Variants in DCC observed in about 807,000 individuals in gnomAD.
DCC encodes the protein netrin receptor DCC.
DCC carries 58 observed loss-of-function variants against 172.5 expected under a neutral mutation model. The observed-to-expected ratio is 0.34, with a 90% confidence interval of 0.27 to 0.42. DCC has a LOEUF of 0.42. DCC is among the 10% of genes least tolerant of loss of function. The pLI, the probability that DCC is intolerant of heterozygous loss-of-function variation, is 1.00. For synonymous variants in DCC, 709 were observed against 644.5 expected, an observed-to-expected ratio of 1.10 and a Z score of -1.52; for missense variants, 1,740 against 1,791.0, an observed-to-expected ratio of 0.97 and a Z score of 0.51.
At chr18:53,253,208 A>G (rs2056461173) in intron 12 of DCC, among the ~76,000 whole-genome samples, 1 of 151,890 alleles carries the variant, frequency 6.6e-6, no homozygotes, top group South Asian at 2.1e-4. Flanking sequence ...TCTTTCTTTT[A>G]TATATTTCTT....
At position 52,948,377 on chromosome 18, in the gene DCC, C is replaced by A. The variant is rs186973732; in HGVS notation, c.985+23007C>A. On this transcript the variant is annotated intron_variant, in intron 5 of 28. Coordinates refer to ENST00000442544, the MANE Select transcript of DCC (RefSeq NM_005215.4). ...GGAAAATATAATGAGACAAGAGCTT[C>A]TATCATTATGAATGATATTGAACAA... is the stretch of plus-strand genomic sequence containing the variant. Among the ~76,000 whole-genome samples the A allele has an allele frequency of 3.3e-5, 5 of 152,082 alleles. No individual in the cohort carries two copies. The East Asian group carries it at 9.7e-4, about 29-fold the overall frequency.
intron 5 of DCC, among the ~76,000 whole-genome samples, chr18:53,019,226 C>T (rs1411521189): frequency 6.6e-5 from 10 of 152,178 alleles, no homozygotes; most frequent in Non-Finnish European, 1.5e-5. Flanking sequence ...TTCAACATCA[C>T]TTGAACCTAT....
intron 1 of DCC, among the ~76,000 whole-genome samples, chr18:52,743,490 A>G (rs2036856741): frequency 6.6e-6 from 1 of 152,198 alleles, no homozygotes; most frequent in Non-Finnish European, 1.5e-5. Context: ...TTTTCCTGGT[A>G]TCACACAGCA....
intron 8 of DCC, among the ~76,000 whole-genome samples, chr18:53,170,213 G>T (rs962498828): frequency 6.6e-6 from 1 of 152,188 alleles, no homozygotes; most frequent in Non-Finnish European, 1.5e-5. Flanking sequence ...TCATCCACCA[G>T]TGGGGACATC....
intron 1 of DCC, among the ~76,000 whole-genome samples, chr18:52,695,405 T>C (rs2035997139): frequency 6.6e-6 from 1 of 152,170 alleles, no homozygotes; most frequent in Non-Finnish European, 1.5e-5. Context: ...TGTTGGATGA[T>C]AGAGAGGGTT....
At chr18:53,288,301 A>G (rs1246127235) in intron 12 of DCC, among the ~76,000 whole-genome samples, 2 of 152,126 alleles carry the variant, frequency 1.3e-5, no homozygotes, top group African/African-American at 4.8e-5. Context: ...ATTGTTACCT[A>G]GGAACTTTTT....
intron 1 of DCC, among the ~76,000 whole-genome samples, chr18:52,672,782 A>G (rs1568033834): frequency 1.3e-5 from 2 of 151,848 alleles, no homozygotes; most frequent in East Asian, 2.0e-4. Flanking sequence ...ATAGAATTCT[A>G]CTTGGCTGGG....
chr18:53,406,620 C>A (rs1258509030), intron 19 of DCC, among the ~76,000 whole-genome samples: 19 of 150,704 alleles, frequency 1.3e-4, no homozygotes, highest in Admixed American at 6.7e-5. Flanking sequence ...AGGATAATTG[C>A]TTGAACCCGG....
intron 1 of DCC, among the ~76,000 whole-genome samples, chr18:52,353,143 GA>G (rs1984199980): frequency 6.6e-6 from 1 of 152,172 alleles, no homozygotes; most frequent in African/African-American, 2.4e-5. Flanking sequence ...CAACATCAAA[GA>G]GTCTTCTGGT....
chr18:53,183,116 A>G (rs2055222102), intron 9 of DCC, among the ~76,000 whole-genome samples: 1 of 152,178 alleles, frequency 6.6e-6, no homozygotes, highest in African/African-American at 2.4e-5. Context: ...AGTTTTTCAT[A>G]TTATTTGAAA....
intron 2 of DCC, among the ~76,000 whole-genome samples, chr18:52,862,965 T>G (rs1267088706): frequency 6.6e-6 from 1 of 152,158 alleles, no homozygotes; most frequent in Non-Finnish European, 1.5e-5. Context: ...TTTCCATCAG[T>G]ATATTATTAA....
At chr18:53,374,159 A>C (rs1044916368) in intron 15 of DCC, among the ~76,000 whole-genome samples, 1 of 152,178 alleles carries the variant, frequency 6.6e-6, no homozygotes, top group Non-Finnish European at 1.5e-5. Context: ...TGAATGAATT[A>C]AATAAAATGA....
At chr18:52,486,850 C>A (rs1162896092) in intron 1 of DCC, among the ~76,000 whole-genome samples, 3 of 152,034 alleles carry the variant, frequency 2.0e-5, no homozygotes, top group African/African-American at 7.2e-5. Context: ...TGAATCAAAG[C>A]AAAATGGTGT....
intron 7 of DCC, among the ~76,000 whole-genome samples, chr18:53,099,961 G>A (rs55673709): frequency 1.0e-5 from 1 of 97,918 alleles, no homozygotes; most frequent in Admixed American, 1.2e-4. Context: ...TTTTTTTTTT[G>A]TTTGAGACAG....
chr18:52,842,507 A>G (rs1372420112), intron 2 of DCC, among the ~76,000 whole-genome samples: 2 of 152,154 alleles, frequency 1.3e-5, no homozygotes, highest in East Asian at 1.9e-4. Flanking sequence ...TGCTAGCCCA[A>G]TTGGGGAGGG....
chr18:52,868,049 A>ATGTGTGTG (rs1555675501), intron 2 of DCC, among the ~76,000 whole-genome samples: 1 of 106,432 alleles, frequency 9.4e-6, no homozygotes, highest in South Asian at 2.7e-4. Context: ...ATATATATAT[A>ATGTGTGTG]TATATGTGTG....
intron 5 of DCC, among the ~76,000 whole-genome samples, chr18:52,983,686 A>C (rs1265031259): frequency 1.3e-5 from 2 of 152,202 alleles, no homozygotes; most frequent in Non-Finnish European, 2.9e-5. Flanking sequence ...ACTTGGGAAG[A>C]AATCTTATTT....
intron 9 of DCC, among the ~76,000 whole-genome samples, chr18:53,180,925 C>A (rs937173034): frequency 1.8e-4 from 28 of 152,202 alleles, no homozygotes; most frequent in Middle Eastern, 3.4e-3. Context: ...ACATTTGAGT[C>A]TCAATTGCTT....
chr18:52,474,868 C>T (rs546533229), intron 1 of DCC, among the ~76,000 whole-genome samples: 2 of 152,150 alleles, frequency 1.3e-5, no homozygotes, highest in African/African-American at 2.4e-5. Flanking sequence ...ACCCCAACAC[C>T]GGTTATCTTT....
Sources: gnomAD v4.1 joint callset for allele counts (sites outside exome capture counted in the v4.1 genomes callset) on GRCh38, gnomAD v4.1.1 for gene constraint, MANE v1.5 for transcripts, NCBI Gene and HGNC (gene_info 2026-07-23, HGNC 2026-07-21) for gene names.